DSCAM: variants seen among roughly 807,000 people sequenced by gnomAD.
DSCAM encodes the protein DS cell adhesion molecule.
A neutral mutation model predicts 217.7 loss-of-function variants in DSCAM; 47 were observed. The observed-to-expected ratio is 0.22, with a 90% CI of 0.17 to 0.28. The LOEUF (loss-of-function observed/expected upper bound fraction) is 0.28, where lower values mean the gene tolerates loss of function less well. Among genes scored for constraint, DSCAM ranks in the 10% least tolerant of loss-of-function variants. The pLI, the probability that DSCAM is intolerant of heterozygous loss-of-function variation, is 1.00. For missense variants in DSCAM, 2,080 were observed against 2,618.3 expected, an observed-to-expected ratio of 0.79 and a Z score of 4.49; for synonymous variants, 1,056 against 1,015.3, an observed-to-expected ratio of 1.04 and a Z score of -0.76.
At chr21:40,841,529 C>T (rs1054465691) in intron 1 of DSCAM, among the ~76,000 whole-genome samples, 1 of 152,212 alleles carries the variant, frequency 6.6e-6, no homozygotes, top group South Asian at 2.1e-4. Context: ...GTTAACCCCC[C>T]AGTCCAGGGG....
intron 3 of DSCAM, among the ~76,000 whole-genome samples, chr21:40,522,030 A>G (rs2076363324): frequency 6.6e-6 from 1 of 152,184 alleles, no homozygotes. Flanking sequence ...AATGCATAGG[A>G]CAGTTCGCCA....
intron 11 of DSCAM, among the ~76,000 whole-genome samples, chr21:40,243,448 A>G (rs1476971286): frequency 6.6e-6 from 1 of 152,222 alleles, no homozygotes; most frequent in Admixed American, 6.5e-5. Context: ...ACTTTTAACA[A>G]GAATATTTTC....
chr21:40,796,710 C>T (rs62225164), intron 1 of DSCAM, among the ~76,000 whole-genome samples: 19,389 of 151,952 alleles, frequency 0.13, 1,817 homozygotes, highest in African/African-American at 0.26. Context: ...ATCTCAGCTC[C>T]CACCCAAGAA....
intron 1 of DSCAM, among the ~76,000 whole-genome samples, chr21:40,829,283 G>T (rs1044105312): frequency 6.6e-6 from 1 of 152,214 alleles, no homozygotes; most frequent in Non-Finnish European, 1.5e-5. Flanking sequence ...TCGACTCAGA[G>T]TCTGGGAAAG....
At chr21:40,364,338 C>T (rs1332389763) in intron 4 of DSCAM, among the ~76,000 whole-genome samples, 1 of 152,068 alleles carries the variant, frequency 6.6e-6, no homozygotes, top group African/African-American at 2.4e-5. Flanking sequence ...CCATGGAATA[C>T]TATGCAGCCA....
intron 32 of DSCAM, among the ~76,000 whole-genome samples, chr21:40,039,692 G>C (rs1601257330): frequency 6.6e-6 from 1 of 152,204 alleles, no homozygotes; most frequent in Non-Finnish European, 1.5e-5. Context: ...TGAGAAGGAA[G>C]TATGAAGATA....
chr21:40,467,280 G>C (rs747061025), intron 3 of DSCAM, among the ~76,000 whole-genome samples: 1 of 152,156 alleles, frequency 6.6e-6, no homozygotes, highest in Non-Finnish European at 1.5e-5. Context: ...TAAACACTGT[G>C]CATATACACA....
chr21:40,761,371 A>ATC (rs144113563), intron 1 of DSCAM, among the ~76,000 whole-genome samples: 2 of 150,994 alleles, frequency 1.3e-5, no homozygotes, highest in East Asian at 1.9e-4. Context: ...ACAACATAGC[A>ATC]TCTCTCTCTC....
At position 40,124,345 on chromosome 21, in the gene DSCAM, T is replaced by A; in HGVS notation, c.3563-17A>T. On this transcript the variant is annotated splice_polypyrimidine_tract_variant and intron_variant, in intron 19 of 32. Coordinates refer to ENST00000400454, the MANE Select transcript of DSCAM (RefSeq NM_001389.5). ...GACCTGGAACTGGAAGAGCCGTGTGTTTAGTCACAAGGTGGGGCCTCAACT... is the reference window on the plus strand; with the variant it reads ...GACCTGGAACTGGAAGAGCCGTGTGATTAGTCACAAGGTGGGGCCTCAACT... The A allele has an allele frequency of 1.9e-6, 3 of 1,613,010 alleles. No homozygotes were observed. Among genetic ancestry groups the A allele is most frequent in the Non-Finnish European group, 2.5e-6 (3 of 1,179,942 alleles).
chr21:40,030,366 C>T (rs1257992608), intron 32 of DSCAM, among the ~76,000 whole-genome samples: 2 of 152,020 alleles, frequency 1.3e-5, no homozygotes, highest in Non-Finnish European at 2.9e-5. Context: ...GTGGTGAGTG[C>T]TGGGTGGAGA....
intron 9 of DSCAM, 65 bp downstream of exon 9, chr21:40,312,016 C>A: frequency 8.1e-7 from 1 of 1,230,942 alleles, no homozygotes; most frequent in Non-Finnish European, 1.1e-6. Flanking sequence ...TTTCAAGCCC[C>A]ATCATCTTAA....
At chr21:40,557,885 A>G (rs184061741) in intron 3 of DSCAM, among the ~76,000 whole-genome samples, 2 of 152,344 alleles carry the variant, frequency 1.3e-5, no homozygotes, top group Admixed American at 6.5e-5. Flanking sequence ...TCACTAGACC[A>G]TACCAAGAAA....
intron 3 of DSCAM, among the ~76,000 whole-genome samples, chr21:40,655,119 C>T (rs74404628): frequency 0.047 from 7,151 of 152,186 alleles, 261 homozygotes; most frequent in Non-Finnish European, 0.073. Flanking sequence ...CAGTCCACAG[C>T]GTGCCACACT....
chr21:40,147,202 C>T (rs1363793359), intron 16 of DSCAM, among the ~76,000 whole-genome samples: 1 of 152,172 alleles, frequency 6.6e-6, no homozygotes, highest in African/African-American at 2.4e-5. Context: ...GAAGAGTAGA[C>T]AGTAAAGTCA....
chr21:40,840,098 C>T (rs767165044), intron 1 of DSCAM, among the ~76,000 whole-genome samples: 1 of 152,024 alleles, frequency 6.6e-6, no homozygotes, highest in Non-Finnish European at 1.5e-5. Context: ...ATATTGTAAG[C>T]TATAAGACAC....
intron 1 of DSCAM, among the ~76,000 whole-genome samples, chr21:40,772,180 CT>C (rs2091451194): frequency 6.6e-6 from 1 of 151,774 alleles, no homozygotes; most frequent in Non-Finnish European, 1.5e-5. Flanking sequence ...CTGTTTTTTT[CT>C]TTTTGAGATG....
chr21:40,364,355 A>T (rs1179007545), intron 4 of DSCAM, among the ~76,000 whole-genome samples: 1 of 152,318 alleles, frequency 6.6e-6, no homozygotes, highest in Non-Finnish European at 1.5e-5. Flanking sequence ...GCCATAAAAA[A>T]TGATGAGTTC....
intron 9 of DSCAM, among the ~76,000 whole-genome samples, chr21:40,298,316 C>T (rs1471195002): frequency 1.3e-5 from 2 of 151,844 alleles, no homozygotes; most frequent in South Asian, 2.1e-4. Flanking sequence ...CTCCTGATCT[C>T]GTGATCCACC....
At chr21:40,154,806 T>C (rs923968869) in intron 16 of DSCAM, among the ~76,000 whole-genome samples, 1 of 152,200 alleles carries the variant, frequency 6.6e-6, no homozygotes, top group Non-Finnish European at 1.5e-5. Context: ...AAATAAATGA[T>C]AAATGACAGA....
Sources: allele counts gnomAD v4.1 joint callset (sites outside exome capture counted in the v4.1 genomes callset), GRCh38; gene constraint gnomAD v4.1.1; transcripts MANE v1.5; gene names NCBI Gene and HGNC (gene_info 2026-07-23, HGNC 2026-07-21).